KCNIP4: variants seen among roughly 807,000 people sequenced by gnomAD.
KCNIP4 encodes potassium voltage-gated channel interacting protein 4, also known as Kv channel-interacting protein 4.
KCNIP4 carries 12 observed loss-of-function variants against 34.0 expected under a neutral mutation model. The ratio of observed to expected loss-of-function variants is 0.35; its 90% confidence interval spans 0.23 to 0.57. KCNIP4 has a LOEUF of 0.57. Ranked by LOEUF, KCNIP4 falls within the 20% of genes least tolerant of loss-of-function variation. The pLI is 0.83. For synonymous variants in KCNIP4, 124 were observed against 102.2 expected, an observed-to-expected ratio of 1.21 and a Z score of -1.29; for missense variants, 238 against 311.7, an observed-to-expected ratio of 0.76 and a Z score of 1.78.
chr4:20,986,964 G>A (rs1043480032), intron 1 of KCNIP4, among the ~76,000 whole-genome samples: 5 of 152,066 alleles, frequency 3.3e-5, no homozygotes, highest in Admixed American at 6.6e-5. Flanking sequence ...CTACCGGATC[G>A]AATCTGCTGG....
At chr4:21,591,077 T>C (rs920027152) in intron 1 of KCNIP4, among the ~76,000 whole-genome samples, 51 of 151,764 alleles carry the variant, frequency 3.4e-4, no homozygotes, top group African/African-American at 1.2e-3. Context: ...CTAAAAAAAA[T>C]TGACAATATT....
intron 1 of KCNIP4, among the ~76,000 whole-genome samples, chr4:20,974,334 T>A (rs994678806): frequency 6.6e-6 from 1 of 152,140 alleles, no homozygotes; most frequent in African/African-American, 2.4e-5. Flanking sequence ...CAGGATTCAT[T>A]ATTAAGTGTG....
At chr4:21,394,158 A>G (rs1428399422) in intron 1 of KCNIP4, among the ~76,000 whole-genome samples, 1 of 152,260 alleles carries the variant, frequency 6.6e-6, no homozygotes, top group Non-Finnish European at 1.5e-5. Flanking sequence ...AGAGAATAAC[A>G]CTGCATGGTT....
At position 21,573,919 on chromosome 4, in the gene KCNIP4, C is replaced by T. The variant is rs535288542; in HGVS notation, c.61+374652G>A. Among the ~76,000 whole-genome samples the T allele has an allele frequency of 2.6e-5, 4 of 152,216 alleles. No homozygotes were observed. In the East Asian group the frequency reaches 5.8e-4, roughly 22 times the overall value. On this transcript the variant is annotated intron_variant, in intron 1 of 8. Coordinates refer to ENST00000382152, the MANE Select transcript of KCNIP4 (RefSeq NM_025221.6). ...CTAAGTTTAGTTACTGTTTCAAATA[C>T]CTTTATTTTGTTGATCTAAAATATT...
intron 1 of KCNIP4, among the ~76,000 whole-genome samples, chr4:21,933,592 T>C (rs1729694358): frequency 6.6e-6 from 1 of 152,108 alleles, no homozygotes; most frequent in South Asian, 2.1e-4. Flanking sequence ...TCTTTCTTCC[T>C]TGCTAGCCAT....
At chr4:21,694,165 G>C in intron 1 of KCNIP4, among the ~76,000 whole-genome samples, 1 of 152,186 alleles carries the variant, frequency 6.6e-6, no homozygotes, top group Non-Finnish European at 1.5e-5. Context: ...GCATTCATAT[G>C]ATAGGGTGTT....
chr4:20,831,089 T>A (rs1055349374), intron 3 of KCNIP4, among the ~76,000 whole-genome samples: 2 of 152,210 alleles, frequency 1.3e-5, no homozygotes, highest in African/African-American at 4.8e-5. Context: ...GACTGTATAA[T>A]TTACTTTTTC....
At chr4:21,666,873 TACCTTTCTTCAACTTCAG>T (rs1749008126) in intron 1 of KCNIP4, among the ~76,000 whole-genome samples, 1 of 152,198 alleles carries the variant, frequency 6.6e-6, no homozygotes, top group African/African-American at 2.4e-5. Context: ...TTCTCCTGCT[TACCTTTCTTCAACTTCAG>T]ACCTTTCTAA....
intron 1 of KCNIP4, chr4:21,316,293 G>A (rs1051251167): frequency 6.6e-6 from 1 of 152,142 alleles, no homozygotes; most frequent in South Asian, 2.1e-4. Flanking sequence ...ACTTATCCAT[G>A]TGCCTGAAAT....
chr4:21,792,700 C>T (rs1404043634), intron 1 of KCNIP4, among the ~76,000 whole-genome samples: 1 of 152,214 alleles, frequency 6.6e-6, no homozygotes, highest in Non-Finnish European at 1.5e-5. Context: ...AGACTTCCCA[C>T]ATTGAGACTG....
intron 1 of KCNIP4, among the ~76,000 whole-genome samples, chr4:21,468,245 A>G (rs1730159835): frequency 6.6e-6 from 1 of 150,548 alleles, no homozygotes; most frequent in South Asian, 2.1e-4. Flanking sequence ...GTACAAGGAA[A>G]GACAATAAAC....
intron 1 of KCNIP4, among the ~76,000 whole-genome samples, chr4:21,742,122 A>T (rs1179760173): frequency 6.6e-6 from 1 of 152,132 alleles, no homozygotes; most frequent in East Asian, 1.9e-4. Flanking sequence ...CAAGTACCAA[A>T]TTGAAACAGC....
At chr4:21,112,395 C>T (rs1050454462) in intron 1 of KCNIP4, among the ~76,000 whole-genome samples, 1 of 152,184 alleles carries the variant, frequency 6.6e-6, no homozygotes, top group African/African-American at 2.4e-5. Context: ...CACTGATCCC[C>T]ACTTTGTATG....
chr4:21,937,352 A>G (rs2109015396), intron 1 of KCNIP4, among the ~76,000 whole-genome samples: 1 of 152,016 alleles, frequency 6.6e-6, no homozygotes, highest in African/African-American at 2.4e-5. Flanking sequence ...CTCCCCCACA[A>G]CAGTCATCTC....
chr4:21,071,514 C>T (rs1419464081), intron 1 of KCNIP4, among the ~76,000 whole-genome samples: 1 of 152,090 alleles, frequency 6.6e-6, no homozygotes, highest in African/African-American at 2.4e-5. Flanking sequence ...TGTAGAGTAA[C>T]TTTACCTACG....
In KCNIP4 at chr4:20,807,599, T is replaced by C. The variant is rs186579773; in HGVS notation, c.288+42944A>G. ...AAGGCTGCTGATCCCTGTCCTAGAATATACTTATGTCATTTTTAAAAATGG... is the reference window on the plus strand; with the variant it reads ...AAGGCTGCTGATCCCTGTCCTAGAACATACTTATGTCATTTTTAAAAATGG... On this transcript the variant is annotated intron_variant, in intron 3 of 8. Coordinates refer to ENST00000382152, the MANE Select transcript of KCNIP4 (RefSeq NM_025221.6). 1.5e-3 allele frequency among the ~76,000 whole-genome samples: 225 copies of C among 152,288 alleles called. 1 individual carries two copies. The highest frequency in any genetic ancestry group is 5.2e-3 in the African/African-American group (216 of 41,560).
chr4:21,437,012 T>A (rs1267888425), intron 1 of KCNIP4, among the ~76,000 whole-genome samples: 1 of 152,190 alleles, frequency 6.6e-6, no homozygotes, highest in East Asian at 1.9e-4. Flanking sequence ...CATTTTCTTA[T>A]TCAAGTGCAA....
At chr4:21,254,998 A>G (rs1760967673) in intron 1 of KCNIP4, among the ~76,000 whole-genome samples, 1 of 152,092 alleles carries the variant, frequency 6.6e-6, no homozygotes, top group African/African-American at 2.4e-5. Flanking sequence ...CTTTTCTTGA[A>G]ATTTCCAGGG....
At chr4:21,507,414 G>A (rs1021860794) in intron 1 of KCNIP4, among the ~76,000 whole-genome samples, 13 of 151,896 alleles carry the variant, frequency 8.6e-5, no homozygotes, top group African/African-American at 3.1e-4. Flanking sequence ...ACAGGGACAT[G>A]CCGACACGAC....
Sources: allele counts gnomAD v4.1 joint callset (sites outside exome capture counted in the v4.1 genomes callset), GRCh38; gene constraint gnomAD v4.1.1; transcripts MANE v1.5; gene names NCBI Gene and HGNC (gene_info 2026-07-23, HGNC 2026-07-21).